Variants in SEC24B observed in about 807,000 individuals in gnomAD.
SEC24B encodes protein transport protein Sec24B.
In SEC24B, 45 loss-of-function variants were observed where a neutral mutation model predicts 142.8. The ratio of observed to expected loss-of-function variants is 0.32; its 90% CI spans 0.25 to 0.40. The LOEUF (loss-of-function observed/expected upper bound fraction) is 0.40. Among genes scored for constraint, SEC24B ranks in the 10% least tolerant of loss-of-function variants. The probability of loss-of-function intolerance (pLI) is 1.00; values close to 1 mark genes in which losing one functional copy is unlikely to be tolerated. For synonymous variants in SEC24B, 574 were observed against 568.2 expected (o/e 1.01, Z -0.15); for missense variants, 1,409 against 1,526.8 (o/e 0.92, Z 1.29).
At chr4:109,507,864 C>T (rs865906026) in intron 7 of SEC24B, among the ~76,000 whole-genome samples, 1 of 152,052 alleles carries the variant, frequency 6.6e-6, no homozygotes, top group Admixed American at 6.5e-5. Context: ...AGGCTGGTCT[C>T]GAACTCCCGA....
chr4:109,479,366 C>T (rs1173197084), intron 3 of SEC24B, among the ~76,000 whole-genome samples: 1 of 152,100 alleles, frequency 6.6e-6, no homozygotes, highest in African/African-American at 2.4e-5. Context: ...GGGTTTCAGG[C>T]TGAGCTCTGG....
At chr4:109,529,851 A>T (rs1470458932) in intron 18 of SEC24B, among the ~76,000 whole-genome samples, 1 of 152,136 alleles carries the variant, frequency 6.6e-6, no homozygotes, top group African/African-American at 2.4e-5. Flanking sequence ...CTCCTACTTC[A>T]GCCTCCCAAA....
At chr4:109,510,773 G>GAA (rs1737233931) in intron 8 of SEC24B, among the ~76,000 whole-genome samples, 1 of 151,968 alleles carries the variant, frequency 6.6e-6, no homozygotes, top group Admixed American at 6.6e-5. Context: ...TGTTTTATTT[G>GAA]TACTTCATAA....
At chr4:109,522,282 A>T (rs1161872236) in intron 14 of SEC24B, among the ~76,000 whole-genome samples, 1 of 138,534 alleles carries the variant, frequency 7.2e-6, no homozygotes, top group African/African-American at 2.7e-5. Context: ...CAATCTGCTG[A>T]CCTCGTGATC....
chr4:109,473,078 T>G lies in SEC24B; in HGVS notation c.952T>G (p.Leu318Val). The G allele has an allele frequency of 1.2e-6, 2 of 1,606,968 alleles. No homozygotes were observed. Among genetic ancestry groups the G allele is most frequent in the Non-Finnish European group, 1.7e-6 (2 of 1,176,792 alleles). Residue 318 changes from leucine to valine, a missense_variant, in exon 3 of 24, where the codon TTA becomes GTA. By Grantham distance (32) the Leu-to-Val change is conservative. Around this residue, in one of 2 missense-constraint regions of SEC24B, gnomAD observed 709 missense variants for 673.5 expected, o/e 1.05. Coordinates refer to ENST00000265175, the MANE Select transcript of SEC24B (RefSeq NM_006323.5). ...PKSSPVVSTV[L>V]SGSSGSSSTR... ...GTCCAGCCCAGTGGTATCCACTGTT[T>G]TATCAGGATCCTCAGGATCCTCATC...
At chr4:109,511,895 G>T in intron 8 of SEC24B, 62 bp from the exon 9 acceptor site, 1 of 1,539,016 alleles carries the variant, frequency 6.5e-7, no homozygotes, top group Non-Finnish European at 8.9e-7. Context: ...GCAGATCTGT[G>T]TACGTTCTGT....
At chr4:109,523,324 G>T (rs1444904140) in intron 14 of SEC24B, among the ~76,000 whole-genome samples, 1 of 152,028 alleles carries the variant, frequency 6.6e-6, no homozygotes. Flanking sequence ...ACAAAAATTA[G>T]CTGGGTGCGG....
At chr4:109,437,214 A>G (rs1417562492) in intron 1 of SEC24B, among the ~76,000 whole-genome samples, 6 of 152,166 alleles carry the variant, frequency 3.9e-5, no homozygotes, top group Non-Finnish European at 5.9e-5. Flanking sequence ...AAAAATAAAA[A>G]CAAAAATTCA....
rs375869153 is a variant in SEC24B at position 109,466,348 on chromosome 4, A to G, written c.877+2704A>G. On this transcript the variant is annotated intron_variant, in intron 2 of 23. Coordinates refer to ENST00000265175, the MANE Select transcript of SEC24B (RefSeq NM_006323.5). ...AAAGTCTGGCAACATAATTGCTTTC[A>G]ATACTCAAATTATATTTTCACATTA... Among the ~76,000 whole-genome samples the G allele has an allele frequency of 2.2e-4, 34 of 152,354 alleles. No individual in the cohort carries two copies. The South Asian group carries it at 6.8e-3, about 31-fold the overall frequency.
At chr4:109,509,790 G>A (rs1035403618) in intron 7 of SEC24B, among the ~76,000 whole-genome samples, 4 of 151,498 alleles carry the variant, frequency 2.6e-5, no homozygotes, top group Non-Finnish European at 5.9e-5. Context: ...CCCTGAATGT[G>A]TACTATTTTT....
chr4:109,471,290 C>T (rs1447868601), intron 2 of SEC24B, among the ~76,000 whole-genome samples: 1 of 151,890 alleles, frequency 6.6e-6, no homozygotes, highest in Non-Finnish European at 1.5e-5. Context: ...ACCACAGATG[C>T]GCACCACCAT....
intron 1 of SEC24B, among the ~76,000 whole-genome samples, chr4:109,440,735 T>A (rs1728859232): frequency 6.6e-6 from 1 of 152,240 alleles, no homozygotes; most frequent in African/African-American, 2.4e-5. Context: ...TTATAAATTC[T>A]TCAGGTGGCA....
chr4:109,515,902 G>C (rs948781603), intron 10 of SEC24B, among the ~76,000 whole-genome samples: 19 of 144,512 alleles, frequency 1.3e-4, no homozygotes, highest in African/African-American at 4.3e-4. Context: ...ACAAAAATTA[G>C]CTCTGCGTGG....
chr4:109,461,641 G>T (rs564993841), intron 1 of SEC24B, among the ~76,000 whole-genome samples: 4 of 152,250 alleles, frequency 2.6e-5, no homozygotes, highest in African/African-American at 9.6e-5. Context: ...GCTTACATAT[G>T]CATTACATAG....
rs1561116278 is a variant in SEC24B, at chr4:109,482,935, A to AATATAT, written c.1165+1154_1165+1155insATATAT. 2.5e-3 allele frequency among the ~76,000 whole-genome samples: 93 copies of AATATAT among 37,506 alleles called. 14 individuals are homozygous for AATATAT. Among genetic ancestry groups the AATATAT allele is most frequent in the Non-Finnish European group, 3.2e-3 (62 of 19,570 alleles). The allele number at this position is 37,506 out of a possible 152,430, so 24.6% of individuals were successfully genotyped here. A position where few individuals can be genotyped will look rare whatever the true frequency, so the allele number is the denominator to read the frequency against. On this transcript the variant is annotated intron_variant, in intron 4 of 23. Transcript: ENST00000265175. ...GCATGAGCTACCTTGCCAGGCTTGT[A>AATATAT]CTATATATATATATATATATATATA...
At chr4:109,439,527 A>T (rs2125890359) in intron 1 of SEC24B, among the ~76,000 whole-genome samples, 1 of 46,960 alleles carries the variant, frequency 2.1e-5, no homozygotes, top group South Asian at 7.0e-4. Flanking sequence ...TTTGAGACTG[A>T]GTTTCAGTCT....
chr4:109,529,163 G>A (rs780281613), intron 18 of SEC24B, among the ~76,000 whole-genome samples: 1 of 151,774 alleles, frequency 6.6e-6, no homozygotes, highest in Non-Finnish European at 1.5e-5. Context: ...ACTCTGTCTC[G>A]GGGGTGGGGG....
intron 1 of SEC24B, among the ~76,000 whole-genome samples, chr4:109,454,625 T>A (rs1161155121): frequency 6.6e-6 from 1 of 152,152 alleles, no homozygotes; most frequent in Non-Finnish European, 1.5e-5. Context: ...TTTCTCTGAC[T>A]TTCTGTTGCC....
chr4:109,477,232 T>A (rs1281728978), intron 3 of SEC24B, among the ~76,000 whole-genome samples: 2 of 151,966 alleles, frequency 1.3e-5, no homozygotes, highest in African/African-American at 4.8e-5. Context: ...AACTCAGTAC[T>A]TGTTTTACTC....
Sources: allele counts gnomAD v4.1 joint callset (sites outside exome capture counted in the v4.1 genomes callset), GRCh38; gene constraint gnomAD v4.1.1; regional missense constraint gnomAD v4.1.1; transcripts MANE v1.5; gene names NCBI Gene and HGNC (gene_info 2026-07-23, HGNC 2026-07-21).